The following PKHD1 variants were observed in gnomAD, a reference collection of about 807,000 sequenced individuals.
PKHD1 encodes the protein fibrocystin.
A neutral mutation model predicts 412.0 loss-of-function variants in PKHD1; 291 were observed. The observed-to-expected ratio is 0.71, with a 90% CI of 0.64 to 0.78. PKHD1 has a LOEUF of 0.78. Among genes scored for constraint, PKHD1 ranks in the 30% least tolerant of loss-of-function variants. The pLI, the probability that PKHD1 is intolerant of heterozygous loss-of-function variation, is 0.00. For missense variants in PKHD1, 4,825 were observed against 4,950.7 expected, an observed-to-expected ratio of 0.97 and a Z score of 0.76; for synonymous variants, 1,777 against 1,821.5, an observed-to-expected ratio of 0.98 and a Z score of 0.62.
intron 43 of PKHD1, among the ~76,000 whole-genome samples, chr6:51,901,873 T>C (rs1257695883): frequency 6.6e-6 from 1 of 152,124 alleles, no homozygotes; most frequent in Admixed American, 6.5e-5. Context: ...TGGAAAGCGT[T>C]GGAGGGAGAG....
At chr6:51,810,404 C>T (rs1048668907) in intron 52 of PKHD1, among the ~76,000 whole-genome samples, 8 of 152,084 alleles carry the variant, frequency 5.3e-5, no homozygotes, top group Non-Finnish European at 7.4e-5. Context: ...CTTCAAAAAT[C>T]TTGTTTTAAA....
intron 6 of PKHD1, among the ~76,000 whole-genome samples, chr6:52,076,065 T>TC (rs1811285184): frequency 6.6e-6 from 1 of 152,210 alleles, no homozygotes; most frequent in Admixed American, 6.5e-5. Context: ...ATGTTTGGAT[T>TC]CCTTTTGTTA....
rs183689351 is a variant in PKHD1 at position 51,668,132 on chromosome 6, T to C, written c.10157-8163A>G. 1.2e-3 allele frequency among the ~76,000 whole-genome samples: 180 copies of C among 152,318 alleles called. 1 individual carries two copies. Among genetic ancestry groups the C allele is most frequent in the Middle Eastern group, 6.8e-3 (2 of 294 alleles). On this transcript the variant is annotated intron_variant, in intron 60 of 66. Coordinates refer to ENST00000371117, the MANE Select transcript of PKHD1 (RefSeq NM_138694.4). ...ATGGCACTGAATCTGTAAATTACCT[T>C]GTGCAGTATGGCCATTTTCACGATA... is the stretch of plus-strand genomic sequence containing the variant.
chr6:51,981,488 G>A (rs1168884701), intron 35 of PKHD1, among the ~76,000 whole-genome samples: 2 of 127,248 alleles, frequency 1.6e-5, no homozygotes, highest in Admixed American at 8.0e-5. Flanking sequence ...ACTGGTTTTC[G>A]TTTTTTTTTT....
chr6:51,843,868 A>G (rs1230443718), intron 50 of PKHD1, among the ~76,000 whole-genome samples: 4 of 152,208 alleles, frequency 2.6e-5, no homozygotes, highest in Non-Finnish European at 5.9e-5. Flanking sequence ...GATCTTTTTA[A>G]ATGAGTGAGG....
chr6:52,039,066 T>C (rs1804402685), intron 27 of PKHD1, among the ~76,000 whole-genome samples: 1 of 152,188 alleles, frequency 6.6e-6, no homozygotes, highest in African/African-American at 2.4e-5. Context: ...ATTTAAAAAT[T>C]GGCAAGATTT....
intron 57 of PKHD1, among the ~76,000 whole-genome samples, chr6:51,750,215 T>C (rs539697233): frequency 1.3e-5 from 2 of 152,174 alleles, no homozygotes; most frequent in East Asian, 3.9e-4. Context: ...TCTCAATGGG[T>C]GCTATTGAGG....
intron 28 of PKHD1, among the ~76,000 whole-genome samples, chr6:52,033,371 T>C (rs1357618699): frequency 1.3e-5 from 2 of 151,990 alleles, no homozygotes; most frequent in African/African-American, 4.8e-5. Flanking sequence ...CAACACAGAG[T>C]GATAAGTGCT....
intron 35 of PKHD1, among the ~76,000 whole-genome samples, chr6:51,961,209 G>A (rs1791975808): frequency 6.6e-6 from 1 of 152,122 alleles, no homozygotes; most frequent in Non-Finnish European, 1.5e-5. Flanking sequence ...ACAGAGAATA[G>A]TGCTCTATAG....
At chr6:52,043,516 A>G in intron 26 of PKHD1, 109 bp downstream of exon 26, 1 of 788,598 alleles carries the variant, frequency 1.3e-6, no homozygotes, top group East Asian at 2.6e-5. Context: ...ACCTCTGCCT[A>G]ATGAACTAAT....
At chr6:51,761,735 T>C (rs1330549348) in intron 55 of PKHD1, among the ~76,000 whole-genome samples, 6 of 151,904 alleles carry the variant, frequency 3.9e-5, no homozygotes, top group African/African-American at 1.5e-4. Flanking sequence ...AATTAAAAAA[T>C]AAAACGAAAT....
chr6:51,985,637 G>A (rs1372700269), intron 35 of PKHD1, among the ~76,000 whole-genome samples: 1 of 152,162 alleles, frequency 6.6e-6, no homozygotes, highest in African/African-American at 2.4e-5. Flanking sequence ...GCTGAGGCAG[G>A]AGAATCGCTT....
intron 60 of PKHD1, among the ~76,000 whole-genome samples, chr6:51,700,531 C>A (rs1341427280): frequency 7.9e-5 from 12 of 152,014 alleles, no homozygotes; most frequent in Admixed American, 7.9e-4. Flanking sequence ...ATACCTGCAG[C>A]TTCCAAGTGG....
rs777911845 is a variant in PKHD1 at position 51,659,059 on chromosome 6, C to T, written c.11067G>A (p.Leu3689=). Residue 3689 remains leucine (L), a synonymous_variant, in exon 61 of 67, where the codon TTG becomes TTA. Transcript: ENST00000371117. ...SSLSSNKLQN[L]AHRVITAQQT... ...GTTGAGCAGTGATGACTCGATGAGC[C>T]AAATTCTGTAATTTGTTACTTGATA... 1 of 1,613,656 alleles carries T rather than the reference C, an allele frequency of 6.2e-7. No homozygotes were observed.
chr6:51,813,321 C>T (rs1336696464), intron 52 of PKHD1, among the ~76,000 whole-genome samples: 1 of 152,124 alleles, frequency 6.6e-6, no homozygotes, highest in Non-Finnish European at 1.5e-5. Context: ...ATATTTAATA[C>T]TGTGCCTGGA....
intron 50 of PKHD1, among the ~76,000 whole-genome samples, chr6:51,842,380 C>A (rs540761468): frequency 1.3e-5 from 2 of 152,280 alleles, no homozygotes; most frequent in East Asian, 3.9e-4. Context: ...TTAATGCACC[C>A]TGCCACAACC....
intron 35 of PKHD1, among the ~76,000 whole-genome samples, chr6:52,003,789 C>G (rs1163601117): frequency 6.6e-6 from 1 of 152,122 alleles, no homozygotes; most frequent in African/African-American, 2.4e-5. Context: ...ACTGTAAGTC[C>G]TCCAATTTTG....
intron 60 of PKHD1, chr6:51,740,113 C>T (rs1056401818): frequency 2.1e-6 from 1 of 481,658 alleles, no homozygotes; most frequent in Non-Finnish European, 4.2e-6. Context: ...AGAAGATCAC[C>T]TGCTTGGCAT....
At chr6:51,685,942 G>A (rs1777368730) in intron 60 of PKHD1, among the ~76,000 whole-genome samples, 1 of 152,102 alleles carries the variant, frequency 6.6e-6, no homozygotes, top group African/African-American at 2.4e-5. Context: ...ACAGCACTTA[G>A]GCACAACTTA....
Sources: gnomAD v4.1 joint callset for allele counts (sites outside exome capture counted in the v4.1 genomes callset) on GRCh38, gnomAD v4.1.1 for gene constraint, MANE v1.5 for transcripts, NCBI Gene and HGNC (gene_info 2026-07-23, HGNC 2026-07-21) for gene names.